Variants in ADAM12 observed in about 807,000 individuals in gnomAD.
The protein encoded by ADAM12 is disintegrin and metalloproteinase domain-containing protein 12.
In ADAM12, 70 loss-of-function variants were observed where a neutral mutation model predicts 106.4. The ratio of observed to expected loss-of-function variants is 0.66; its 90% CI spans 0.54 to 0.80. The LOEUF (loss-of-function observed/expected upper bound fraction) is 0.80, where lower values mean the gene tolerates loss of function less well. Ranked by LOEUF, ADAM12 falls within the 30% of genes least tolerant of loss-of-function variation. The pLI is 0.00. For missense variants in ADAM12, 1,010 were observed against 1,171.9 expected (o/e 0.86, Z 2.02); for synonymous variants, 420 against 433.5 (o/e 0.97, Z 0.39).
chr10:126,308,203 C>T (rs908417856), intron 2 of ADAM12, among the ~76,000 whole-genome samples: 1 of 152,112 alleles, frequency 6.6e-6, no homozygotes, highest in Admixed American at 6.5e-5. Context: ...GGCCCACAAA[C>T]ACTACAAAAG....
intron 3 of ADAM12, among the ~76,000 whole-genome samples, chr10:126,183,054 G>A (rs1384323036): frequency 6.6e-6 from 1 of 152,114 alleles, no homozygotes; most frequent in Non-Finnish European, 1.5e-5. Flanking sequence ...ATTCTCACAA[G>A]AGTTTGAACC....
intron 3 of ADAM12, among the ~76,000 whole-genome samples, chr10:126,202,890 C>A (rs1412570479): frequency 7.5e-6 from 1 of 133,546 alleles, no homozygotes; most frequent in South Asian, 2.2e-4. Flanking sequence ...CTTTAAACCA[C>A]CGAAAGAAAA....
chr10:126,094,050 C>T lies in ADAM12; in HGVS notation c.1080G>A (p.Leu360=). The T allele has an allele frequency of 2.5e-6, 4 of 1,614,148 alleles. No individual in the cohort carries two copies. Among genetic ancestry groups the T allele is most frequent in the South Asian group, 1.1e-5 (1 of 91,072 alleles). ...CCATTTGACAGCTACAGCCCCTGTCCAGTGTGTCATGATTCATCCCGAAAT... is the reference window on the plus strand; with the variant it reads ...CCATTTGACAGCTACAGCCCCTGTCTAGTGTGTCATGATTCATCCCGAAAT... ...GHNFGMNHDT[L]DRGCSCQMAV... Residue 360 remains leucine, a synonymous_variant, in exon 11 of 23, where the codon CTG becomes CTA. Transcript: ENST00000448723.
chr10:126,179,661 C>T (rs11244869), intron 3 of ADAM12, among the ~76,000 whole-genome samples: 33,076 of 151,916 alleles, frequency 0.22, 4,124 homozygotes, highest in East Asian at 0.45. Context: ...CACTGAGTGC[C>T]GATAAATGCC....
At chr10:126,376,727 A>G (rs1041228473) in intron 1 of ADAM12, among the ~76,000 whole-genome samples, 2 of 152,210 alleles carry the variant, frequency 1.3e-5, no homozygotes, top group Non-Finnish European at 2.9e-5. Context: ...GTCCCCATAC[A>G]GTATTTTGCA....
intron 3 of ADAM12, among the ~76,000 whole-genome samples, chr10:126,186,913 C>T (rs1309030275): frequency 1.3e-5 from 2 of 152,182 alleles, no homozygotes; most frequent in African/African-American, 2.4e-5. Context: ...GCACTACCAT[C>T]TTTGTTTTAT....
intron 11 of ADAM12, among the ~76,000 whole-genome samples, chr10:126,088,238 C>T (rs1320568249): frequency 2.6e-5 from 4 of 152,066 alleles, no homozygotes; most frequent in South Asian, 2.1e-4. Flanking sequence ...GTGCCTGCTC[C>T]GAAACTGCTC....
chr10:126,363,051 A>G (rs1266089640), intron 1 of ADAM12, among the ~76,000 whole-genome samples: 1 of 152,232 alleles, frequency 6.6e-6, no homozygotes, highest in Non-Finnish European at 1.5e-5. Flanking sequence ...TGGGCCCCAT[A>G]TAATTTGTCA....
chr10:126,055,618 A>G (rs748986748), intron 14 of ADAM12, among the ~76,000 whole-genome samples: 2 of 152,154 alleles, frequency 1.3e-5, no homozygotes, highest in African/African-American at 4.8e-5. Flanking sequence ...TCATGGGTTT[A>G]AAGCCAAAAC....
At chr10:126,157,508 C>T (rs1956840671) in intron 3 of ADAM12, among the ~76,000 whole-genome samples, 1 of 152,244 alleles carries the variant, frequency 6.6e-6, no homozygotes, top group Non-Finnish European at 1.5e-5. Context: ...CCTTGTTTTA[C>T]ATGGATTGCA....
intron 21 of ADAM12, among the ~76,000 whole-genome samples, chr10:126,025,792 AT>A (rs1482836579): frequency 6.6e-6 from 1 of 152,228 alleles, no homozygotes; most frequent in Non-Finnish European, 1.5e-5. Context: ...CAACATTCAA[AT>A]TCAGGAAATC....
chr10:126,203,939 C>CATGT (rs909403268), intron 3 of ADAM12, among the ~76,000 whole-genome samples: 3 of 150,266 alleles, frequency 2.0e-5, no homozygotes, highest in African/African-American at 7.3e-5. Context: ...CGCGCGCGCG[C>CATGT]GTGTGTGTGT....
chr10:126,318,571 C>T (rs984878419), intron 2 of ADAM12, among the ~76,000 whole-genome samples: 2 of 151,696 alleles, frequency 1.3e-5, no homozygotes, highest in Non-Finnish European at 2.9e-5. Flanking sequence ...CACTCACACA[C>T]TCACATACAC....
intron 3 of ADAM12, among the ~76,000 whole-genome samples, chr10:126,242,280 C>T (rs1185524496): frequency 6.6e-6 from 1 of 152,086 alleles, no homozygotes; most frequent in East Asian, 1.9e-4. Flanking sequence ...CTTTAAAACC[C>T]CCTTGACATT....
chr10:126,066,227 T>G lies in ADAM12; in HGVS notation c.1413+490A>C, dbSNP rs1954864777. 6.6e-6 allele frequency among the ~76,000 whole-genome samples: 1 copy of G among 152,222 alleles called. No individual in the cohort carries two copies. The highest frequency in any genetic ancestry group is 1.5e-5 in the Non-Finnish European group (1 of 68,046). On this transcript the variant is annotated intron_variant, in intron 13 of 22. Transcript: ENST00000448723. This position sits in a 1 kb window ranked among gnomAD's most constrained non-coding sequence, Gnocchi z 5.1. ...TGGCGAGAGTATAAAACTGCCATTC[T>G]TGGCTGGGCGGGGTTGGTGGCAACT...
intron 3 of ADAM12, among the ~76,000 whole-genome samples, chr10:126,208,809 T>C (rs1205547844): frequency 6.6e-6 from 1 of 151,416 alleles, no homozygotes; most frequent in Non-Finnish European, 1.5e-5. Flanking sequence ...ATCATATCCA[T>C]CAGAAACTCT....
intron 18 of ADAM12, among the ~76,000 whole-genome samples, chr10:126,040,091 G>C (rs1229213881): frequency 2.6e-5 from 4 of 152,138 alleles, no homozygotes. Flanking sequence ...TCTATGACCT[G>C]CTGCCATTTT....
chr10:126,202,455 C>T (rs545387996), intron 3 of ADAM12, among the ~76,000 whole-genome samples: 1 of 152,222 alleles, frequency 6.6e-6, no homozygotes, highest in Non-Finnish European at 1.5e-5. Context: ...AGGTGTCCTA[C>T]CCTGTAATCC....
intron 3 of ADAM12, among the ~76,000 whole-genome samples, chr10:126,234,726 G>A (rs775344305): frequency 5.9e-5 from 9 of 152,228 alleles, no homozygotes; most frequent in Non-Finnish European, 8.8e-5. Flanking sequence ...AGGAGTTGGA[G>A]AGGCAAGAAT....
Sources: gnomAD v4.1 joint callset for allele counts (sites outside exome capture counted in the v4.1 genomes callset) on GRCh38, gnomAD v4.1.1 for gene constraint, Gnocchi (gnomAD v3.1) non-coding constraint, MANE v1.5 for transcripts, NCBI Gene and HGNC (gene_info 2026-07-23, HGNC 2026-07-21) for gene names.